The following EYA4 variants were observed in gnomAD, a reference collection of about 807,000 sequenced individuals.
The protein encoded by EYA4 is protein phosphatase EYA4.
In EYA4, 31 loss-of-function variants were observed where a neutral mutation model predicts 87.9. That is an observed-to-expected ratio of 0.35 (90% CI 0.27 to 0.48). EYA4 has a LOEUF of 0.48. Among genes scored for constraint, EYA4 ranks in the 20% least tolerant of loss-of-function variants. The pLI is 0.99. For missense variants in EYA4, 678 were observed against 761.4 expected (o/e 0.89, Z 1.29); for synonymous variants, 263 against 270.6 (o/e 0.97, Z 0.28).
intron 2 of EYA4, among the ~76,000 whole-genome samples, chr6:133,375,671 A>G (rs1303225719): frequency 2.0e-5 from 3 of 151,898 alleles, no homozygotes; most frequent in African/African-American, 7.2e-5. Flanking sequence ...GGGCCAGTCA[A>G]TTGAGATGCA....
intron 13 of EYA4, among the ~76,000 whole-genome samples, chr6:133,484,880 G>A (rs1796556037): frequency 6.6e-6 from 1 of 152,112 alleles, no homozygotes; most frequent in Admixed American, 6.5e-5. Context: ...TCATCTTTTG[G>A]AATTATCATT....
intron 2 of EYA4, among the ~76,000 whole-genome samples, chr6:133,301,940 C>T (rs1030797627): frequency 1.3e-5 from 2 of 152,198 alleles, no homozygotes; most frequent in Non-Finnish European, 2.9e-5. Context: ...GTGGGCACAT[C>T]TGCCTGGGAC....
chr6:133,259,859 A>G (rs1332378367), intron 1 of EYA4, among the ~76,000 whole-genome samples: 1 of 152,198 alleles, frequency 6.6e-6, no homozygotes, highest in East Asian at 1.9e-4. Flanking sequence ...GTTTGGAAAG[A>G]TATAATTGTG....
At chr6:133,450,503 ATTCT>A (rs1350557536) in intron 5 of EYA4, among the ~76,000 whole-genome samples, 3 of 152,118 alleles carry the variant, frequency 2.0e-5, no homozygotes, top group East Asian at 1.9e-4. Context: ...GTTCAAAAAG[ATTCT>A]TTATTTATTT....
At position 133,448,113 on chromosome 6, in the gene EYA4, G is replaced by A. The variant is rs537561870; in HGVS notation, c.211G>A (p.Glu71Lys). The A allele has an allele frequency of 5.6e-6, 9 of 1,611,386 alleles. No homozygotes were observed. The African/African-American group carries it at 6.7e-5, about 12-fold the overall frequency. Residue 71 changes from glutamate to lysine, a missense_variant and splice_region_variant, in exon 5 of 20, where the codon GAA (glutamate) becomes AAA (lysine). Coordinates refer to ENST00000355286, the MANE Select transcript of EYA4 (RefSeq NM_004100.5). ...TTTTATACTGTTCCTGTTCTCAGGGGAAAACATGACTGTTTTAAACACAGC... is the reference window on the plus strand; with the variant it reads ...TTTTATACTGTTCCTGTTCTCAGGGAAAAACATGACTGTTTTAAACACAGC... ...TSVTTNGTGG[E>K]NMTVLNTADW...
At chr6:133,452,018 T>C (rs897587362) in intron 5 of EYA4, among the ~76,000 whole-genome samples, 4 of 152,108 alleles carry the variant, frequency 2.6e-5, no homozygotes, top group East Asian at 1.9e-4. Flanking sequence ...TTAAATACTT[T>C]ATGGGTAGTT....
intron 2 of EYA4, among the ~76,000 whole-genome samples, chr6:133,304,111 A>G (rs1346116226): frequency 1.3e-5 from 2 of 152,188 alleles, no homozygotes; most frequent in Non-Finnish European, 2.9e-5. Flanking sequence ...TATTGCTAGC[A>G]GTAATTTCCT....
intron 13 of EYA4, among the ~76,000 whole-genome samples, chr6:133,485,410 G>A (rs1796605698): frequency 6.6e-6 from 1 of 152,142 alleles, no homozygotes; most frequent in Non-Finnish European, 1.5e-5. Flanking sequence ...CCCACAGGAT[G>A]AAGGGGTAGG....
intron 5 of EYA4, among the ~76,000 whole-genome samples, chr6:133,452,508 AG>A (rs920372409): frequency 6.6e-6 from 1 of 152,154 alleles, no homozygotes; most frequent in African/African-American, 2.4e-5. Flanking sequence ...AGACAATTTA[AG>A]GGGACAAGAG....
chr6:133,388,315 G>A (rs528143279), intron 3 of EYA4, among the ~76,000 whole-genome samples: 4 of 151,456 alleles, frequency 2.6e-5, no homozygotes, highest in South Asian at 2.1e-4. Context: ...GCTGAGGCAC[G>A]AGAATCGCTT....
At chr6:133,401,303 G>C (rs1366497776) in intron 3 of EYA4, among the ~76,000 whole-genome samples, 2 of 152,070 alleles carry the variant, frequency 1.3e-5, no homozygotes, top group African/African-American at 4.8e-5. Context: ...ATATAAATTA[G>C]ATAGAAGAAA....
intron 2 of EYA4, among the ~76,000 whole-genome samples, chr6:133,363,783 T>C (rs371327277): frequency 6.6e-6 from 1 of 152,186 alleles, no homozygotes; most frequent in East Asian, 1.9e-4. Context: ...CGAGACCTTG[T>C]AACTCTTGAG....
chr6:133,438,183 G>A (rs865958251), intron 3 of EYA4, among the ~76,000 whole-genome samples: 1 of 151,964 alleles, frequency 6.6e-6, no homozygotes, highest in Non-Finnish European at 1.5e-5. Context: ...TTAGTTGCAA[G>A]AAACATTGAC....
chr6:133,255,045 G>C (rs935024846), intron 1 of EYA4, among the ~76,000 whole-genome samples: 1 of 152,334 alleles, frequency 6.6e-6, no homozygotes, highest in East Asian at 1.9e-4. Flanking sequence ...CATAGTTCCA[G>C]CATGTGTACA....
chr6:133,338,959 T>G (rs770539805), intron 2 of EYA4, among the ~76,000 whole-genome samples: 1 of 152,176 alleles, frequency 6.6e-6, no homozygotes, highest in Admixed American at 6.5e-5. Flanking sequence ...TGGGCATCAC[T>G]TGGCTCTTTT....
intron 2 of EYA4, among the ~76,000 whole-genome samples, chr6:133,370,481 A>G (rs1051586788): frequency 6.6e-6 from 1 of 152,230 alleles, no homozygotes; most frequent in African/African-American, 2.4e-5. Flanking sequence ...AAGCCAATCA[A>G]TTAGAGAAAA....
intron 2 of EYA4, among the ~76,000 whole-genome samples, chr6:133,338,639 T>C (rs1387932248): frequency 6.6e-6 from 1 of 152,200 alleles, no homozygotes; most frequent in African/African-American, 2.4e-5. Flanking sequence ...TACAACACTT[T>C]GGATGTGTTG....
At chr6:133,277,139 A>G (rs1421537478) in intron 2 of EYA4, among the ~76,000 whole-genome samples, 1 of 152,182 alleles carries the variant, frequency 6.6e-6, no homozygotes, top group African/African-American at 2.4e-5. Flanking sequence ...TTCAAGAGGG[A>G]TTCTTTGGGT....
intron 1 of EYA4, among the ~76,000 whole-genome samples, chr6:133,257,594 C>T (rs1269098960): frequency 1.3e-5 from 2 of 152,026 alleles, no homozygotes; most frequent in South Asian, 2.1e-4. Context: ...AGCTAAAAAA[C>T]GTTTTATAAA....
Sources: gnomAD v4.1 joint callset for allele counts (sites outside exome capture counted in the v4.1 genomes callset) on GRCh38, gnomAD v4.1.1 for gene constraint, MANE v1.5 for transcripts, NCBI Gene and HGNC (gene_info 2026-07-23, HGNC 2026-07-21) for gene names.